The following CELF1 variants were observed in gnomAD, a reference collection of about 807,000 sequenced individuals.
CELF1 encodes the protein 50 kDa nuclear polyadenylated RNA-binding protein.
A neutral mutation model predicts 61.8 loss-of-function variants in CELF1; 10 were observed. The ratio of observed to expected loss-of-function variants is 0.16; its 90% CI spans 0.10 to 0.27. The LOEUF is 0.27. Ranked by LOEUF, CELF1 falls within the 10% of genes least tolerant of loss-of-function variation. The pLI, the probability that CELF1 is intolerant of heterozygous loss-of-function variation, is 1.00. For synonymous variants in CELF1, 236 were observed against 225.1 expected (o/e 1.05, Z -0.43); for missense variants, 380 against 639.1 (o/e 0.59, Z 4.37).
intron 1 of CELF1, among the ~76,000 whole-genome samples, chr11:47,509,406 G>A (rs2094865182): frequency 6.6e-6 from 1 of 152,104 alleles, no homozygotes; most frequent in Admixed American, 6.6e-5. Flanking sequence ...GCTAAGAGGG[G>A]GGCTGGGTGT....
chr11:47,532,084 G>A (rs2096494995), intron 1 of CELF1, among the ~76,000 whole-genome samples: 1 of 151,546 alleles, frequency 6.6e-6, no homozygotes. Context: ...AGGCTGGAGT[G>A]CAGTGGCGCA....
intron 1 of CELF1, among the ~76,000 whole-genome samples, chr11:47,502,124 T>C (rs972930325): frequency 1.3e-5 from 2 of 152,198 alleles, no homozygotes; most frequent in African/African-American, 2.4e-5. Flanking sequence ...ATAGAACTTT[T>C]GTTCAAAAGA....
chr11:47,504,600 A>G (rs1189242904), intron 1 of CELF1, among the ~76,000 whole-genome samples: 2 of 140,120 alleles, frequency 1.4e-5, no homozygotes, highest in Admixed American at 1.4e-4. Context: ...TAAATAAAAC[A>G]TAAAAAACCT....
At chr11:47,492,431 T>C (rs912128562) in intron 3 of CELF1, among the ~76,000 whole-genome samples, 4 of 152,090 alleles carry the variant, frequency 2.6e-5, no homozygotes, top group East Asian at 1.9e-4. Flanking sequence ...GCTACCATGA[T>C]GAAAAAAAGC....
chr11:47,487,790 T>C (rs368245292), intron 4 of CELF1, among the ~76,000 whole-genome samples: 5 of 152,376 alleles, frequency 3.3e-5, no homozygotes, highest in African/African-American at 1.2e-4. Context: ...TCTCATCAAA[T>C]ATAATTAAGC....
At chr11:47,557,524 C>CTTTTTTTTTTTTTTTTTTTT (rs1299819327), upstream of CELF1, 1 of 3,022 alleles carries the variant, frequency 3.3e-4, no homozygotes, top group African/African-American at 1.3e-3. Context: ...GCCTATTTTT[C>CTTTTTTTTTTTTTTTTTTTT]TTTTTTTTTT....
At chr11:47,490,995 G>A (rs186496474) in intron 3 of CELF1, among the ~76,000 whole-genome samples, 92 of 151,420 alleles carry the variant, frequency 6.1e-4, no homozygotes, top group Middle Eastern at 3.4e-3. Flanking sequence ...CCAAGTAGCT[G>A]GGATTACAGG....
intron 3 of CELF1, among the ~76,000 whole-genome samples, chr11:47,492,647 G>A (rs1238606280): frequency 1.3e-5 from 2 of 152,074 alleles, no homozygotes; most frequent in Non-Finnish European, 2.9e-5. Flanking sequence ...CACAAGAATC[G>A]CTTGAACCTG....
intron 1 of CELF1, among the ~76,000 whole-genome samples, chr11:47,519,254 TGG>T (rs1170764888): frequency 6.6e-6 from 1 of 152,026 alleles, no homozygotes; most frequent in East Asian, 1.9e-4. Flanking sequence ...CCGAGGCAGG[TGG>T]ATCACTTGAG....
At chr11:47,501,801 C>T (rs1454242185) in intron 1 of CELF1, among the ~76,000 whole-genome samples, 4 of 152,006 alleles carry the variant, frequency 2.6e-5, no homozygotes, top group Admixed American at 6.6e-5. Flanking sequence ...CCAGCCTGGG[C>T]GACAGTAAGA....
At chr11:47,532,994 T>C (rs924413976) in intron 1 of CELF1, among the ~76,000 whole-genome samples, 1 of 152,174 alleles carries the variant, frequency 6.6e-6, no homozygotes, top group Non-Finnish European at 1.5e-5. Context: ...CAGTGACAGT[T>C]ACACAGTGAC....
chr11:47,560,314 A>C (rs1169921846), intron 2 of CELF1, among the ~76,000 whole-genome samples: 1 of 152,008 alleles, frequency 6.6e-6, no homozygotes. Flanking sequence ...AGAAAAGGCC[A>C]GAGGCATGAG....
chr11:47,475,179 C>T (rs918137242), intron 13 of CELF1, among the ~76,000 whole-genome samples, 157 bp downstream of exon 13: 13 of 152,206 alleles, frequency 8.5e-5, no homozygotes, highest in Admixed American at 8.5e-4. Flanking sequence ...AAGCAGATCA[C>T]ACTTCACAGG....
At chr11:47,503,786 A>G (rs2094201416) in intron 1 of CELF1, among the ~76,000 whole-genome samples, 2 of 152,232 alleles carry the variant, frequency 1.3e-5, no homozygotes, top group South Asian at 4.1e-4. Flanking sequence ...CCTTGCTTGC[A>G]TAGGTAAAAT....
At chr11:47,499,378 A>T in intron 3 of CELF1, 75 bp downstream of exon 3, 1 of 1,201,848 alleles carries the variant, frequency 8.3e-7, no homozygotes, top group Non-Finnish European at 1.2e-6. Flanking sequence ...TAAAAAAAGG[A>T]ACCAATTTCA....
At chr11:47,547,016 A>C (rs1177514707) in intron 1 of CELF1, among the ~76,000 whole-genome samples, 2 of 140,916 alleles carry the variant, frequency 1.4e-5, no homozygotes, top group Non-Finnish European at 3.0e-5. Flanking sequence ...GTGGTGAGCC[A>C]AGATCATGCC....
chr11:47,512,827 A>C (rs2095304477), intron 1 of CELF1, among the ~76,000 whole-genome samples: 1 of 152,152 alleles, frequency 6.6e-6, no homozygotes, highest in Non-Finnish European at 1.5e-5. Flanking sequence ...ACCTACTCTC[A>C]TGCTCCAGAG....
chr11:47,546,279 G>T (rs2096948489), intron 1 of CELF1, among the ~76,000 whole-genome samples: 1 of 143,448 alleles, frequency 7.0e-6, no homozygotes, highest in African/African-American at 2.6e-5. Context: ...GCGGGGGCGG[G>T]GGAGGGAATG....
intron 10 of CELF1, among the ~76,000 whole-genome samples, chr11:47,478,263 G>C (rs777328266): frequency 6.6e-5 from 10 of 152,160 alleles, no homozygotes; most frequent in Non-Finnish European, 1.2e-4. Context: ...TGCACATTTG[G>C]CCTAGCCTAA....
Sources: gnomAD v4.1 joint callset for allele counts (sites outside exome capture counted in the v4.1 genomes callset) on GRCh38, gnomAD v4.1.1 for gene constraint, MANE v1.5 for transcripts, NCBI Gene and HGNC (gene_info 2026-07-23, HGNC 2026-07-21) for gene names.